The following CACNA1C variants were observed in gnomAD, a reference collection of about 807,000 sequenced individuals.
CACNA1C encodes voltage-dependent L-type calcium channel subunit alpha-1C.
Under a neutral mutation model 229.0 loss-of-function variants are expected in CACNA1C, and 30 were observed. That is an observed-to-expected ratio of 0.13 (90% CI 0.10 to 0.18). The LOEUF (loss-of-function observed/expected upper bound fraction) is 0.18. CACNA1C is among the 10% of genes least tolerant of loss of function. The pLI is 1.00. For synonymous variants in CACNA1C, 1,114 were observed against 1,132.5 expected, an observed-to-expected ratio of 0.98 and a Z score of 0.33; for missense variants, 1,658 against 2,845.0, an observed-to-expected ratio of 0.58 and a Z score of 9.49.
rs968427978 is a variant in CACNA1C at position 2,028,651 on chromosome 12, A to G, written c.139+57450A>G. On this transcript the variant is annotated intron_variant, in intron 1 of 46. Transcript: ENST00000682462. ...TGACACAGAGAGGTTAAGCACGTAG[A>G]CTCTGGACCTAGACTTCCTGGGATC... Among the ~76,000 whole-genome samples, 2 of 152,104 alleles carry G rather than the reference A, an allele frequency of 1.3e-5. 1 individual carries two copies. Among genetic ancestry groups the G allele is most frequent in the Admixed American group, 1.3e-4 (2 of 15,272 alleles).
chr12:2,314,462 GAC>G (rs2095588119), intron 3 of CACNA1C, among the ~76,000 whole-genome samples: 1 of 152,232 alleles, frequency 6.6e-6, no homozygotes, highest in Non-Finnish European at 1.5e-5. Context: ...CCCGGGTCAA[GAC>G]ACAGAACGTT....
intron 3 of CACNA1C, among the ~76,000 whole-genome samples, chr12:2,292,144 G>A (rs534066024): frequency 6.6e-6 from 1 of 152,312 alleles, no homozygotes; most frequent in Non-Finnish European, 1.5e-5. Context: ...GCTGGCTCCC[G>A]GGGAGGCAAA....
chr12:2,085,948 C>T (rs10774022), intron 1 of CACNA1C, among the ~76,000 whole-genome samples: 138,889 of 152,220 alleles, frequency 0.91, 63,431 homozygotes, highest in East Asian at 1. Context: ...GTTCCCTGTA[C>T]CTGGGATGCC....
At position 2,639,152 on chromosome 12, in the gene CACNA1C, C is replaced by T. The variant is rs1456647722; in HGVS notation, c.3912+4772C>T. ...TCAGCCTCAGTATCTGAGCCATGGGCCCCGGCCCTTCTCCTGCCAATGCAT... is the reference window on the plus strand; with the variant it reads ...TCAGCCTCAGTATCTGAGCCATGGGTCCCGGCCCTTCTCCTGCCAATGCAT... On this transcript the variant is annotated intron_variant, in intron 30 of 46. Coordinates refer to ENST00000399655, the MANE Select transcript of CACNA1C (RefSeq NM_000719.7). The surrounding 1 kb of genome is among the most constrained non-coding windows in gnomAD (Gnocchi z 4.2). 3.3e-5 allele frequency among the ~76,000 whole-genome samples: 5 copies of T among 152,218 alleles called. No homozygotes were observed. Among genetic ancestry groups the T allele is most frequent in the African/African-American group, 1.2e-4 (5 of 41,464 alleles).
In CACNA1C at chr12:2,566,872, G is replaced by T. The variant is rs1044996417; in HGVS notation, c.1669+290G>T. ...TGAGGAAAGGGGCTGCAGCTTGTTT[G>T]CCTATCTCAGACTCCTGGCTGCCAA... is the stretch of plus-strand genomic sequence containing the variant. On this transcript the variant is annotated intron_variant, in intron 12 of 46. Coordinates refer to ENST00000399655, the MANE Select transcript of CACNA1C (RefSeq NM_000719.7). This position sits in a 1 kb window ranked among gnomAD's most constrained non-coding sequence, Gnocchi z 4.0. Among the ~76,000 whole-genome samples the T allele has an allele frequency of 6.6e-6, 1 of 152,220 alleles. No homozygotes were observed. Among genetic ancestry groups the T allele is most frequent in the Non-Finnish European group, 1.5e-5 (1 of 68,038 alleles).
At chr12:2,648,395 C>T (rs549318460) in intron 30 of CACNA1C, 80 bp from the exon 31 acceptor site, 24 of 1,313,358 alleles carry the variant, frequency 1.8e-5, no homozygotes, top group East Asian at 4.6e-5. Flanking sequence ...GTGTTGCTCC[C>T]GTGTCAGCCA....
intron 1 of CACNA1C, among the ~76,000 whole-genome samples, chr12:2,071,758 A>G (rs1434996054): frequency 6.6e-6 from 1 of 152,124 alleles, no homozygotes; most frequent in Non-Finnish European, 1.5e-5. Flanking sequence ...CTTTAAATGC[A>G]TTTGCAATTT....
intron 37 of CACNA1C, among the ~76,000 whole-genome samples, chr12:2,668,082 G>A (rs1258171705): frequency 6.6e-6 from 1 of 152,198 alleles, no homozygotes; most frequent in Non-Finnish European, 1.5e-5. Flanking sequence ...TACACAGAGA[G>A]GACATGTAGC....
At chr12:2,289,563 A>G (rs1374856837) in intron 3 of CACNA1C, among the ~76,000 whole-genome samples, 1 of 152,092 alleles carries the variant, frequency 6.6e-6, no homozygotes, top group African/African-American at 2.4e-5. Context: ...TGCCACAAAT[A>G]TTTATTGAGT....
intron 5 of CACNA1C, among the ~76,000 whole-genome samples, chr12:2,474,012 G>C (rs977662159): frequency 1.4e-5 from 2 of 145,496 alleles, no homozygotes; most frequent in East Asian, 4.1e-4. Context: ...GGAAGAGAAA[G>C]CTGTTGCCTG....
Position 2,675,484 on chromosome 12 carries a change from T to C in CACNA1C, c.4828+842T>C, listed in dbSNP as rs531933648. On this transcript the variant is annotated intron_variant, in intron 39 of 46. Transcript: ENST00000399655. The stretch of plus-strand genomic sequence containing the variant: ...CCCCCCACACATAAACACACACACA[T>C]ACTTACACATATGCAGAACAACCGT... Among the ~76,000 whole-genome samples the C allele has an allele frequency of 4.6e-5, 7 of 152,288 alleles. No homozygotes were observed. The South Asian group carries it at 1.4e-3, about 32-fold the overall frequency.
At chr12:2,338,917 A>C (rs778279363) in intron 3 of CACNA1C, among the ~76,000 whole-genome samples, 1 of 152,108 alleles carries the variant, frequency 6.6e-6, no homozygotes, top group Non-Finnish European at 1.5e-5. Context: ...ATCCAATCTG[A>C]TTATCTTATT....
At chr12:2,097,490 G>T (rs2074699267) in intron 1 of CACNA1C, among the ~76,000 whole-genome samples, 1 of 152,096 alleles carries the variant, frequency 6.6e-6, no homozygotes, top group Admixed American at 6.6e-5. Context: ...TTCCATAGCG[G>T]TTGCACCATT....
intron 9 of CACNA1C, among the ~76,000 whole-genome samples, chr12:2,536,716 C>G (rs1405528840): frequency 6.6e-6 from 1 of 152,114 alleles, no homozygotes; most frequent in Non-Finnish European, 1.5e-5. Context: ...GTGGTCCCAG[C>G]TACTCTCAAG....
At position 2,504,854 on chromosome 12, in the gene CACNA1C, G is replaced by T; in HGVS notation, c.1126G>T (p.Val376Leu). ...TCCGTTCTTCCAGGTCAATGATGCC[G>T]TAGGAAGGGACTGGCCCTGGATCTA... The part of the protein sequence containing the change: ...TDVLYWVNDA[V>L]GRDWPWIYFV... Residue 376 changes from valine (V) to leucine (L), a missense_variant, in exon 8 of 47, where the codon GTA (valine) becomes TTA (leucine). By Grantham distance (32) the Val-to-Leu change is conservative (BLOSUM62 1). Transcript: ENST00000399655. The surrounding 1 kb of genome is among the most constrained non-coding windows in gnomAD (Gnocchi z 6.8). 2 of 1,582,870 alleles carry T rather than the reference G, an allele frequency of 1.3e-6. No homozygotes were observed. The highest frequency in any genetic ancestry group is 8.7e-7 in the Non-Finnish European group (1 of 1,151,892).
intron 5 of CACNA1C, among the ~76,000 whole-genome samples, chr12:2,470,449 A>G (rs10848660): frequency 0.22 from 34,014 of 152,150 alleles, 4,809 homozygotes; most frequent in African/African-American, 0.4. Context: ...CAGTGAGGCC[A>G]GCGTCCTGTG....
At chr12:2,581,516 C>T in intron 13 of CACNA1C, 74 bp from the exon 14 acceptor site, 1 of 1,319,882 alleles carries the variant, frequency 7.6e-7, no homozygotes, top group Non-Finnish European at 1.0e-6. Context: ...CTGCAGTGGG[C>T]AGTTGTGAGA....
At position 2,679,340 on chromosome 12, in the gene CACNA1C, G is replaced by A. The variant is rs890486222; in HGVS notation, c.5092-104G>A. On this transcript the variant is annotated intron_variant, in intron 41 of 46. Coordinates refer to ENST00000399655, the MANE Select transcript of CACNA1C (RefSeq NM_000719.7). The surrounding 1 kb of genome is among the most constrained non-coding windows in gnomAD (Gnocchi z 5.5). The stretch of plus-strand genomic sequence containing the variant: ...GTGCCTACCCGAAAGAAGGCAGCCC[G>A]CCTTCCCAGGCCCTGCACTTCCCTG... The A allele has an allele frequency of 2.0e-5, 17 of 849,006 alleles. No individual in the cohort carries two copies. The highest frequency in any genetic ancestry group is 8.0e-5 in the East Asian group (3 of 37,344). The allele number at this position is 849,006 out of a possible 1,614,324, so 52.6% of individuals were successfully genotyped here. A position where few individuals can be genotyped will look rare whatever the true frequency, so the allele number is the denominator to read the frequency against.
At chr12:2,577,785 A>G (rs2058966071) in intron 13 of CACNA1C, among the ~76,000 whole-genome samples, 1 of 152,226 alleles carries the variant, frequency 6.6e-6, no homozygotes, top group African/African-American at 2.4e-5. Context: ...AGCTCCAAGG[A>G]TATAAATGTA....
Sources: gnomAD v4.1 joint callset for allele counts (sites outside exome capture counted in the v4.1 genomes callset) on GRCh38, gnomAD v4.1.1 for gene constraint, Gnocchi (gnomAD v3.1) non-coding constraint, MANE v1.5 for transcripts, NCBI Gene and HGNC (gene_info 2026-07-23, HGNC 2026-07-21) for gene names.